The following ITGA9 variants were observed in gnomAD, a reference collection of about 807,000 sequenced individuals.
The protein encoded by ITGA9 is integrin alpha-9.
A neutral mutation model predicts 127.8 loss-of-function variants in ITGA9; 56 were observed. That is an observed-to-expected ratio of 0.44 (90% CI 0.35 to 0.55). The LOEUF (loss-of-function observed/expected upper bound fraction) is 0.55, where lower values mean the gene tolerates loss of function less well. Ranked by LOEUF, ITGA9 falls within the 20% of genes least tolerant of loss-of-function variation. The probability of loss-of-function intolerance (pLI) is 0.00; values close to 1 mark genes in which losing one functional copy is unlikely to be tolerated. For synonymous variants in ITGA9, 508 were observed against 514.5 expected (o/e 0.99, Z 0.17); for missense variants, 1,196 against 1,347.1 (o/e 0.89, Z 1.76).
chr3:37,522,972 T>G (rs750070147), intron 11 of ITGA9, among the ~76,000 whole-genome samples: 4 of 152,180 alleles, frequency 2.6e-5, no homozygotes, highest in Non-Finnish European at 5.9e-5. Flanking sequence ...CTCCAGAATC[T>G]ATAGATCATC....
intron 27 of ITGA9, among the ~76,000 whole-genome samples, chr3:37,815,608 CAAA>C (rs71288088): frequency 3.2e-5 from 3 of 92,530 alleles, no homozygotes; most frequent in African/African-American, 3.7e-5. Context: ...GACTCTGTCT[CAAA>C]AAAAAAAAAA....
chr3:37,788,131 C>T (rs538977340), intron 26 of ITGA9, among the ~76,000 whole-genome samples: 3 of 152,218 alleles, frequency 2.0e-5, no homozygotes, highest in Non-Finnish European at 4.4e-5. Flanking sequence ...CTCAGCATTA[C>T]TACAAATGCC....
intron 4 of ITGA9, among the ~76,000 whole-genome samples, chr3:37,483,131 C>T (rs1441709799): frequency 6.6e-6 from 1 of 152,126 alleles, no homozygotes; most frequent in Non-Finnish European, 1.5e-5. Flanking sequence ...GATTGTTGAA[C>T]CATACTAGTT....
chr3:37,657,332 G>C (rs922753416), intron 17 of ITGA9, among the ~76,000 whole-genome samples: 2 of 151,980 alleles, frequency 1.3e-5, no homozygotes, highest in African/African-American at 4.8e-5. Context: ...GGCTTTTTTT[G>C]GTTGGTAGGC....
chr3:37,540,643 T>TG (rs1405657270), intron 14 of ITGA9, among the ~76,000 whole-genome samples: 3 of 152,228 alleles, frequency 2.0e-5, no homozygotes, highest in Non-Finnish European at 4.4e-5. Context: ...TGTTCCCTTT[T>TG]GGGGCCTCAG....
intron 26 of ITGA9, among the ~76,000 whole-genome samples, chr3:37,795,733 T>TC (rs1416883922): frequency 3.3e-5 from 5 of 151,962 alleles, no homozygotes; most frequent in African/African-American, 1.2e-4. Context: ...TCACAGCCAC[T>TC]CCCCCAAAAC....
chr3:37,788,746 C>G (rs1331174141), intron 26 of ITGA9, among the ~76,000 whole-genome samples: 2 of 152,088 alleles, frequency 1.3e-5, no homozygotes, highest in Non-Finnish European at 2.9e-5. Context: ...TTCTCTCTTT[C>G]AACTAGCATT....
At chr3:37,495,653 C>T (rs1698720480) in intron 5 of ITGA9, among the ~76,000 whole-genome samples, 1 of 152,224 alleles carries the variant, frequency 6.6e-6, no homozygotes, top group Non-Finnish European at 1.5e-5. Context: ...TGGAGGTACA[C>T]TGGCCCTGAT....
chr3:37,533,358 G>A lies in ITGA9; in HGVS notation c.1418G>A (p.Gly473Asp). The A allele has an allele frequency of 6.2e-7, 1 of 1,614,154 alleles. No homozygotes were observed. The highest frequency in any genetic ancestry group is 8.5e-7 in the Non-Finnish European group (1 of 1,180,022). ...GTGGATGTCTCCATCTTCCTCCCGGGCTCCATCAACATCACAGCGCCTCAG... is the reference window on the plus strand; with the variant it reads ...GTGGATGTCTCCATCTTCCTCCCGGACTCCATCAACATCACAGCGCCTCAG... ...ITVDVSIFLP[G>D]SINITAPQCH... Residue 473 changes from glycine (G) to aspartate (D), a missense_variant, in exon 14 of 28, where the codon GGC (glycine) becomes GAC (aspartate). Transcript: ENST00000264741.
intron 27 of ITGA9, chr3:37,805,863 A>G (rs1247171053): frequency 2.0e-5 from 3 of 147,882 alleles, no homozygotes; most frequent in Non-Finnish European, 3.0e-5. Flanking sequence ...AGTAGAGACC[A>G]GGTTTTGCCA....
chr3:37,795,162 A>C (rs1259620400), intron 26 of ITGA9, among the ~76,000 whole-genome samples: 1 of 152,164 alleles, frequency 6.6e-6, no homozygotes, highest in African/African-American at 2.4e-5. Flanking sequence ...TGCAGAGAGC[A>C]TCTTGCCCTT....
chr3:37,555,261 T>C (rs1193846696), intron 15 of ITGA9, among the ~76,000 whole-genome samples: 2 of 152,200 alleles, frequency 1.3e-5, no homozygotes, highest in Non-Finnish European at 2.9e-5. Flanking sequence ...TTGGAAGATG[T>C]CTAAGTACCA....
At chr3:37,551,912 C>T (rs768355) in intron 15 of ITGA9, among the ~76,000 whole-genome samples, 1 of 152,158 alleles carries the variant, frequency 6.6e-6, no homozygotes, top group South Asian at 2.1e-4. Flanking sequence ...CGTGTGGACA[C>T]AGCCACACTA....
intron 15 of ITGA9, among the ~76,000 whole-genome samples, chr3:37,551,063 G>A (rs1192934886): frequency 6.6e-6 from 1 of 152,088 alleles, no homozygotes; most frequent in African/African-American, 2.4e-5. Flanking sequence ...GGCTTTTTAA[G>A]TTGATGAATA....
intron 16 of ITGA9, among the ~76,000 whole-genome samples, chr3:37,635,105 G>C (rs1205557171): frequency 2.0e-5 from 3 of 152,188 alleles, no homozygotes; most frequent in Non-Finnish European, 4.4e-5. Flanking sequence ...TGAGTAAGTA[G>C]AAGAGTATAA....
chr3:37,673,887 G>GA (rs1336800896), intron 17 of ITGA9, among the ~76,000 whole-genome samples: 1 of 152,182 alleles, frequency 6.6e-6, no homozygotes, highest in East Asian at 1.9e-4. Flanking sequence ...TTGAAGCTTT[G>GA]AAAATCCGTG....
chr3:37,629,866 G>A lies in ITGA9; in HGVS notation c.1839+530G>A, dbSNP rs543750001. 4.6e-5 allele frequency among the ~76,000 whole-genome samples: 7 copies of A among 152,300 alleles called. No individual in the cohort carries two copies. The highest frequency in any genetic ancestry group is 2.1e-4 in the South Asian group (1 of 4,822). ...CGGCTGTGTAGAGAAGCTTTAGTGC[G>A]ATGGGTGTATCACTCGTATGAAGTA... On this transcript the variant is annotated intron_variant, in intron 16 of 27. Coordinates refer to ENST00000264741, the MANE Select transcript of ITGA9 (RefSeq NM_002207.3). The surrounding 1 kb of genome is among the most constrained non-coding windows in gnomAD (Gnocchi z 4.5).
At chr3:37,525,906 G>A (rs528819379) in intron 12 of ITGA9, 120 bp from the exon 13 acceptor site, 3 of 797,752 alleles carry the variant, frequency 3.8e-6, no homozygotes, top group Admixed American at 3.6e-5. Context: ...CCCAGACAGT[G>A]GTCGTCTGAG....
intron 16 of ITGA9, among the ~76,000 whole-genome samples, chr3:37,645,890 C>G (rs1559557170): frequency 6.6e-6 from 1 of 152,124 alleles, no homozygotes; most frequent in Non-Finnish European, 1.5e-5. Flanking sequence ...GGCCTTAGCA[C>G]CTAGATGACA....
Sources: gnomAD v4.1 joint callset for allele counts (sites outside exome capture counted in the v4.1 genomes callset) on GRCh38, gnomAD v4.1.1 for gene constraint, Gnocchi (gnomAD v3.1) non-coding constraint, MANE v1.5 for transcripts, NCBI Gene and HGNC (gene_info 2026-07-23, HGNC 2026-07-21) for gene names.